Variants in PLEKHG1 observed in about 807,000 individuals in gnomAD.
The protein encoded by PLEKHG1 is pleckstrin homology and RhoGEF domain containing G1.
A neutral mutation model predicts 100.8 loss-of-function variants in PLEKHG1; 44 were observed. The ratio of observed to expected loss-of-function variants is 0.44; its 90% confidence interval spans 0.34 to 0.56. PLEKHG1 has a LOEUF of 0.56. Ranked by LOEUF, PLEKHG1 falls within the 20% of genes least tolerant of loss-of-function variation. PLEKHG1 has a pLI of 0.01. For synonymous variants in PLEKHG1, 640 were observed against 662.5 expected (o/e 0.97, Z 0.52); for missense variants, 1,545 against 1,720.9 (o/e 0.90, Z 1.81).
At chr6:150,603,476 C>G (rs575003235) in intron 1 of PLEKHG1, among the ~76,000 whole-genome samples, 24 of 152,248 alleles carry the variant, frequency 1.6e-4, no homozygotes, top group South Asian at 1.2e-3. Context: ...GCTGAGAAGA[C>G]AGAAGTATAT....
At chr6:150,768,366 A>ATATTGGCACTGACGTTAT (rs1270569119) in intron 2 of PLEKHG1, among the ~76,000 whole-genome samples, 1 of 152,224 alleles carries the variant, frequency 6.6e-6, no homozygotes, top group Non-Finnish European at 1.5e-5. Flanking sequence ...TATTGGCACT[A>ATATTGGCACTGACGTTAT]TGGTCATTGT....
At chr6:150,792,779 A>G (rs1786074358) in intron 4 of PLEKHG1, among the ~76,000 whole-genome samples, 1 of 152,214 alleles carries the variant, frequency 6.6e-6, no homozygotes, top group South Asian at 2.1e-4. Flanking sequence ...CCTGATACCC[A>G]GATTGTGGTC....
intron 3 of PLEKHG1, among the ~76,000 whole-genome samples, chr6:150,669,027 T>C (rs1303291575): frequency 1.3e-5 from 2 of 152,248 alleles, no homozygotes; most frequent in Non-Finnish European, 2.9e-5. Context: ...ACAGTTTAAC[T>C]AGGGCCTTTT....
At chr6:150,660,641 CCTCATA>C (rs1204577868) in intron 3 of PLEKHG1, among the ~76,000 whole-genome samples, 2 of 152,248 alleles carry the variant, frequency 1.3e-5, no homozygotes, top group Non-Finnish European at 2.9e-5. Context: ...TATTTAAGCA[CCTCATA>C]CTCAGAGCCA....
intron 1 of PLEKHG1, among the ~76,000 whole-genome samples, chr6:150,621,147 G>A (rs1221095733): frequency 1.3e-5 from 2 of 152,108 alleles, no homozygotes; most frequent in Non-Finnish European, 2.9e-5. Context: ...TTAGAGTGGG[G>A]CCTGACAAGT....
At position 150,600,740 on chromosome 6, in the gene PLEKHG1, T is replaced by A. The variant is rs1369042785; in HGVS notation, c.-204+723T>A. On this transcript the variant is annotated intron_variant, in intron 1 of 3. Coordinates refer to the PLEKHG1 transcript ENST00000367326. This position sits in a 1 kb window ranked among gnomAD's most constrained non-coding sequence, Gnocchi z 6.2. ...GTGATGCCCGAGCTCGCCCCTTTTG[T>A]GTCCTCGCGGTGAGCCCCGTTCCGA... The A allele has an allele frequency of 2.0e-5, 3 of 152,338 alleles. No individual in the cohort carries two copies. The highest frequency in any genetic ancestry group is 7.2e-5 in the African/African-American group (3 of 41,470). 9.4% of individuals were successfully genotyped at this position (152,338 alleles called of 1,614,324 possible).
intron 2 of PLEKHG1, among the ~76,000 whole-genome samples, chr6:150,750,649 C>T (rs956931501): frequency 1.2e-4 from 18 of 149,620 alleles, no homozygotes; most frequent in Non-Finnish European, 1.8e-4. Context: ...GGCGTAGTGG[C>T]GGGCGCCTGT....
At chr6:150,815,380 T>C (rs948294097) in intron 10 of PLEKHG1, among the ~76,000 whole-genome samples, 4 of 152,226 alleles carry the variant, frequency 2.6e-5, no homozygotes, top group African/African-American at 9.7e-5. Context: ...AAAAAAATTC[T>C]TGAAGTCAGC....
chr6:150,813,328 A>G (rs1371734890), intron 10 of PLEKHG1, among the ~76,000 whole-genome samples: 4 of 147,954 alleles, frequency 2.7e-5, no homozygotes, highest in African/African-American at 9.9e-5. Context: ...AACAAAATGG[A>G]CCAGTCACTA....
chr6:150,607,378 C>G (rs1490975516), intron 1 of PLEKHG1, among the ~76,000 whole-genome samples: 1 of 152,170 alleles, frequency 6.6e-6, no homozygotes, highest in Admixed American at 6.5e-5. Context: ...CTGCACTTCT[C>G]TGATGTGCTG....
chr6:150,805,225 A>G (rs376770132), intron 7 of PLEKHG1, among the ~76,000 whole-genome samples: 8 of 152,140 alleles, frequency 5.3e-5, no homozygotes, highest in African/African-American at 1.9e-4. Context: ...ATGAGCCACC[A>G]CACCCGGCCG....
At chr6:150,820,346 G>A (rs555308591) in intron 12 of PLEKHG1, among the ~76,000 whole-genome samples, 6 of 152,134 alleles carry the variant, frequency 3.9e-5, no homozygotes, top group East Asian at 3.9e-4. Flanking sequence ...GAAAAATCAC[G>A]TCCTATGAGT....
intron 4 of PLEKHG1, among the ~76,000 whole-genome samples, chr6:150,791,061 A>G (rs1056905719): frequency 6.6e-6 from 1 of 152,110 alleles, no homozygotes; most frequent in Non-Finnish European, 1.5e-5. Context: ...TCCTCTGGGG[A>G]GGGAGTGGAT....
chr6:150,760,595 A>T (rs149098998), intron 2 of PLEKHG1, among the ~76,000 whole-genome samples: 1 of 151,152 alleles, frequency 6.6e-6, no homozygotes, highest in East Asian at 1.9e-4. Context: ...TTGTATTTAC[A>T]TGCATTCAAC....
At chr6:150,776,283 G>A (rs1369382706) in intron 3 of PLEKHG1, among the ~76,000 whole-genome samples, 5 of 152,256 alleles carry the variant, frequency 3.3e-5, no homozygotes, top group South Asian at 4.1e-4. Context: ...AAATCCTGAA[G>A]GCAAGATGAC....
rs529837301 is a variant in PLEKHG1, at chr6:150,674,986, T to C, written c.-99+24200T>C. Among the ~76,000 whole-genome samples the C allele has an allele frequency of 2.6e-4, 40 of 152,212 alleles. 2 individuals are homozygous for C. The South Asian group carries it at 2.7e-3, about 10-fold the overall frequency. On this transcript the variant is annotated intron_variant, in intron 3 of 3. Coordinates refer to the PLEKHG1 transcript ENST00000367326. ...GTGTGAGCCACCATGCCCGGCCACCTCAAACATTTCTTTAAAAAGACACAC... is the reference window on the plus strand; with the variant it reads ...GTGTGAGCCACCATGCCCGGCCACCCCAAACATTTCTTTAAAAAGACACAC...
intron 3 of PLEKHG1, among the ~76,000 whole-genome samples, chr6:150,690,563 A>G (rs1266340302): frequency 2.0e-5 from 3 of 152,234 alleles, no homozygotes; most frequent in Non-Finnish European, 2.9e-5. Context: ...AAGCATGCAT[A>G]TATTTGTGTA....
intron 15 of PLEKHG1, among the ~76,000 whole-genome samples, chr6:150,835,926 C>G (rs192907108): frequency 1.2e-3 from 186 of 152,342 alleles, no homozygotes; most frequent in Admixed American, 5.7e-3. Flanking sequence ...ACTCTATCAT[C>G]CAAAGATAAA....
chr6:150,625,922 A>T (rs1777488781), intron 1 of PLEKHG1: 1 of 152,186 alleles, frequency 6.6e-6, no homozygotes, highest in African/African-American at 2.4e-5. Context: ...TGGATATTAG[A>T]TGATGTTATG....
Sources: gnomAD v4.1 joint callset for allele counts (sites outside exome capture counted in the v4.1 genomes callset) on GRCh38, gnomAD v4.1.1 for gene constraint, Gnocchi (gnomAD v3.1) non-coding constraint, MANE v1.5 for transcripts, NCBI Gene and HGNC (gene_info 2026-07-23, HGNC 2026-07-21) for gene names.